Variants in FHIT observed in about 807,000 individuals in gnomAD.
The protein encoded by FHIT is bis(5'-adenosyl)-triphosphatase.
Under a neutral mutation model 17.9 loss-of-function variants are expected in FHIT, and 19 were observed. That is an observed-to-expected ratio of 1.06 (90% CI 0.74 to 1.56). FHIT has a LOEUF of 1.56. Ranked by LOEUF, FHIT falls within the 40% of genes most tolerant of loss-of-function variation. The pLI, the probability that FHIT is intolerant of heterozygous loss-of-function variation, is 0.00. For missense variants in FHIT, 248 were observed against 189.2 expected (o/e 1.31, Z -1.82); for synonymous variants, 81 against 69.7 (o/e 1.16, Z -0.81).
intron 3 of FHIT, among the ~76,000 whole-genome samples, chr3:61,009,206 G>A (rs867002567): frequency 1.3e-5 from 2 of 152,128 alleles, no homozygotes; most frequent in African/African-American, 4.8e-5. Context: ...TCAAAACAAC[G>A]GCTGACACTG....
At chr3:59,913,814 A>T (rs536623401) in intron 8 of FHIT, among the ~76,000 whole-genome samples, 4 of 152,302 alleles carry the variant, frequency 2.6e-5, no homozygotes, top group African/African-American at 7.2e-5. Flanking sequence ...GTTAAACATT[A>T]AACAGTTTGC....
chr3:59,938,600 GATGA>G (rs770037227), intron 7 of FHIT, among the ~76,000 whole-genome samples: 1 of 152,152 alleles, frequency 6.6e-6, no homozygotes, highest in East Asian at 1.9e-4. Context: ...TATGTGAGAT[GATGA>G]ATATGTGAAT....
At chr3:60,887,995 G>A (rs1402463085) in intron 3 of FHIT, among the ~76,000 whole-genome samples, 2 of 152,130 alleles carry the variant, frequency 1.3e-5, no homozygotes, top group African/African-American at 4.8e-5. Flanking sequence ...TTGAGGATAG[G>A]GAAAAGTGTA....
chr3:61,152,662 C>A (rs772860851), intron 2 of FHIT, among the ~76,000 whole-genome samples: 1 of 152,042 alleles, frequency 6.6e-6, no homozygotes, highest in Non-Finnish European at 1.5e-5. Flanking sequence ...TCCTACAAAC[C>A]ACTGTAATTA....
intron 5 of FHIT, among the ~76,000 whole-genome samples, chr3:60,280,614 G>A (rs1707383949): frequency 6.6e-6 from 1 of 152,144 alleles, no homozygotes; most frequent in South Asian, 2.1e-4. Flanking sequence ...ACCAGAAGCT[G>A]TCAAGGAATG....
chr3:60,254,265 A>T (rs572427707), intron 5 of FHIT, among the ~76,000 whole-genome samples: 2 of 152,300 alleles, frequency 1.3e-5, no homozygotes, highest in African/African-American at 4.8e-5. Context: ...TGGAGTGAAG[A>T]GTTCCCAGTG....
Position 61,225,753 on chromosome 3 carries a change from AG to A in FHIT, c.-212-25089del, listed in dbSNP as rs550692192. Among the ~76,000 whole-genome samples the A allele has an allele frequency of 1.4e-4, 21 of 152,354 alleles. No homozygotes were observed. In the South Asian group the frequency reaches 4.3e-3, roughly 32 times the overall value. ...TTAAAGCTATCTCAAAATATAACGA[AG>A]TCATGACTTGAATGACTGCTGAGTT... On this transcript the variant is annotated intron_variant, in intron 1 of 9. Transcript: ENST00000492590.
chr3:60,410,509 C>T (rs1471499773), intron 5 of FHIT, among the ~76,000 whole-genome samples: 1 of 151,970 alleles, frequency 6.6e-6, no homozygotes, highest in Non-Finnish European at 1.5e-5. Flanking sequence ...ATTTTAATTG[C>T]CAAAAATAAA....
At chr3:60,761,590 T>C (rs1302047410) in intron 4 of FHIT, among the ~76,000 whole-genome samples, 1 of 151,030 alleles carries the variant, frequency 6.6e-6, no homozygotes, top group Admixed American at 6.6e-5. Context: ...GATGTTCTAA[T>C]ACAAACTGAC....
chr3:61,090,331 T>C (rs898771938), intron 2 of FHIT, among the ~76,000 whole-genome samples: 6 of 152,230 alleles, frequency 3.9e-5, no homozygotes, highest in Non-Finnish European at 7.3e-5. Context: ...AGGATTGTTA[T>C]GAAAGTTGCT....
chr3:60,421,739 C>A, intron 5 of FHIT, among the ~76,000 whole-genome samples: 1 of 151,674 alleles, frequency 6.6e-6, no homozygotes, highest in East Asian at 1.9e-4. Flanking sequence ...ATTTGCTTTT[C>A]TTGTTAAGAA....
intron 5 of FHIT, among the ~76,000 whole-genome samples, chr3:60,209,008 C>G (rs1037834508): frequency 1.3e-5 from 2 of 152,128 alleles, no homozygotes; most frequent in East Asian, 1.9e-4. Flanking sequence ...TGCTTTCTGT[C>G]CACTTCGACT....
chr3:60,396,714 A>C (rs1261890099), intron 5 of FHIT, among the ~76,000 whole-genome samples: 1 of 152,180 alleles, frequency 6.6e-6, no homozygotes, highest in Non-Finnish European at 1.5e-5. Flanking sequence ...GAACTATATA[A>C]AGGTGGTAGC....
At chr3:59,820,896 G>GTT (rs1700762986) in intron 8 of FHIT, among the ~76,000 whole-genome samples, 1 of 152,158 alleles carries the variant, frequency 6.6e-6, no homozygotes, top group South Asian at 2.1e-4. Context: ...AGAAACAGAA[G>GTT]TTACCAGTTT....
chr3:60,684,314 AT>A (rs1219182410), intron 4 of FHIT, among the ~76,000 whole-genome samples: 1 of 152,130 alleles, frequency 6.6e-6, no homozygotes, highest in African/African-American at 2.4e-5. Flanking sequence ...ATTTAATCAT[AT>A]CTGCAAGGAC....
At chr3:59,944,051 G>A (rs1456199427) in intron 7 of FHIT, among the ~76,000 whole-genome samples, 5 of 152,114 alleles carry the variant, frequency 3.3e-5, no homozygotes, top group African/African-American at 1.2e-4. Flanking sequence ...CTAAATACTA[G>A]CTATGATTTA....
At chr3:60,836,167 T>C (rs116965709) in intron 3 of FHIT, among the ~76,000 whole-genome samples, 2 of 152,304 alleles carry the variant, frequency 1.3e-5, no homozygotes, top group East Asian at 3.9e-4. Context: ...TCTTTTAGCC[T>C]GAATCCTGTT....
chr3:60,496,238 A>C (rs2034295515), intron 5 of FHIT, among the ~76,000 whole-genome samples: 2 of 152,142 alleles, frequency 1.3e-5, no homozygotes, highest in Non-Finnish European at 2.9e-5. Context: ...AGAAATAAAA[A>C]AAAGTCCTGT....
intron 3 of FHIT, among the ~76,000 whole-genome samples, chr3:60,971,213 T>C (rs1221359144): frequency 6.6e-6 from 1 of 151,962 alleles, no homozygotes; most frequent in African/African-American, 2.4e-5. Context: ...ACTAAAAAAG[T>C]ACAAAAGTTA....
Sources: allele counts gnomAD v4.1 joint callset (sites outside exome capture counted in the v4.1 genomes callset), GRCh38; gene constraint gnomAD v4.1.1; transcripts MANE v1.5; gene names NCBI Gene and HGNC (gene_info 2026-07-23, HGNC 2026-07-21).